Variants in ADCY2 observed in about 807,000 individuals in gnomAD.
ADCY2 encodes the protein adenylate cyclase type 2.
A neutral mutation model predicts 125.2 loss-of-function variants in ADCY2; 31 were observed. That is an observed-to-expected ratio of 0.25 (90% CI 0.19 to 0.33). ADCY2 has a LOEUF of 0.33. Among genes scored for constraint, ADCY2 ranks in the 10% least tolerant of loss-of-function variants. The pLI is 1.00. For synonymous variants in ADCY2, 512 were observed against 548.4 expected (o/e 0.93, Z 0.93); for missense variants, 904 against 1,418.2 (o/e 0.64, Z 5.82).
chr5:7,489,784 C>T (rs75790476), intron 2 of ADCY2, among the ~76,000 whole-genome samples: 2,488 of 152,256 alleles, frequency 0.016, 70 homozygotes, highest in African/African-American at 0.056. Flanking sequence ...ATGCAGTGCC[C>T]TCTGCACTTG....
intron 15 of ADCY2, among the ~76,000 whole-genome samples, chr5:7,752,950 G>A (rs1309798004): frequency 7.2e-6 from 1 of 139,336 alleles, no homozygotes; most frequent in Non-Finnish European, 1.5e-5. Context: ...TCAGGCTGGA[G>A]TACAGTAGTG....
intron 22 of ADCY2, among the ~76,000 whole-genome samples, chr5:7,812,556 GATGCAGGCTGA>G (rs1470743364): frequency 2.0e-5 from 3 of 152,172 alleles, no homozygotes; most frequent in Non-Finnish European, 4.4e-5. Flanking sequence ...AAGACCCAGG[GATGCAGGCTGA>G]ATGCATTGCT....
intron 3 of ADCY2, among the ~76,000 whole-genome samples, chr5:7,584,592 C>T (rs1399383615): frequency 6.6e-6 from 1 of 152,036 alleles, no homozygotes; most frequent in Non-Finnish European, 1.5e-5. Context: ...ATCTGAAATG[C>T]CATGACGAAC....
chr5:7,797,281 A>G (rs1382574905), intron 20 of ADCY2: 1 of 152,188 alleles, frequency 6.6e-6, no homozygotes, highest in African/African-American at 2.4e-5. Flanking sequence ...GGAAACGTGG[A>G]CGATCCAAAG....
At chr5:7,677,928 C>A (rs1389460266) in intron 4 of ADCY2, among the ~76,000 whole-genome samples, 1 of 152,170 alleles carries the variant, frequency 6.6e-6, no homozygotes, top group African/African-American at 2.4e-5. Flanking sequence ...CCTTAGAAAT[C>A]TCTGCATAAG....
chr5:7,546,609 C>G (rs550231394), intron 3 of ADCY2, among the ~76,000 whole-genome samples: 2 of 152,330 alleles, frequency 1.3e-5, no homozygotes, highest in African/African-American at 4.8e-5. Flanking sequence ...CCAGAATATA[C>G]CATGAGGCTC....
At chr5:7,655,378 T>G (rs1342112071) in intron 4 of ADCY2, among the ~76,000 whole-genome samples, 2 of 152,164 alleles carry the variant, frequency 1.3e-5, no homozygotes, top group African/African-American at 4.8e-5. Flanking sequence ...AAGACCTGCC[T>G]TCTGCAAGCT....
In ADCY2 at chr5:7,626,184, C is replaced by G; in HGVS notation, c.588C>G (p.Ile196Met). The G allele has an allele frequency of 1.2e-6, 2 of 1,613,830 alleles. No individual in the cohort carries two copies. The highest frequency in any genetic ancestry group is 1.3e-5 in the African/African-American group (1 of 75,022). The stretch of plus-strand genomic sequence containing the variant: ...CTCTTTAGATCCTGGCCAATGTGAT[C>G]ATTTTCATCTGTGGGAACCTGGCGG... ...HLVWQILANV[I>M]IFICGNLAGA... Residue 196 changes from isoleucine (I) to methionine (M), a missense_variant, in exon 4 of 25, where the codon ATC becomes ATG. Around this residue, in one of 7 missense-constraint regions of ADCY2, gnomAD observed 121 missense variants for 161.5 expected, o/e 0.75. Transcript: ENST00000338316.
intron 18 of ADCY2, among the ~76,000 whole-genome samples, chr5:7,783,561 A>G (rs188975562): frequency 2.0e-4 from 31 of 152,224 alleles, no homozygotes; most frequent in African/African-American, 7.0e-4. Context: ...GACGACACAC[A>G]AGCAGAAAGT....
intron 3 of ADCY2, among the ~76,000 whole-genome samples, chr5:7,607,561 C>G (rs1278880523): frequency 6.6e-6 from 1 of 152,244 alleles, no homozygotes; most frequent in Non-Finnish European, 1.5e-5. Flanking sequence ...ACGAGTAAAG[C>G]ACCTTGGTGG....
At chr5:7,703,214 G>T (rs2126342369) in intron 7 of ADCY2, among the ~76,000 whole-genome samples, 1 of 152,274 alleles carries the variant, frequency 6.6e-6, no homozygotes, top group Admixed American at 6.5e-5. Context: ...CTTTTGCTGT[G>T]CAGAAGCTCT....
Position 7,727,259 on chromosome 5 carries a change from A to C in ADCY2, c.1869A>C (p.Pro623=), listed in dbSNP as rs747997305. 6.8e-6 allele frequency: 11 copies of C among 1,613,518 alleles called. No individual in the cohort carries two copies. The highest frequency in any genetic ancestry group is 9.3e-6 in the Non-Finnish European group (11 of 1,179,524). Residue 623 remains proline (P), a splice_region_variant and synonymous_variant, in exon 14 of 25, where the codon CCA becomes CCC. Coordinates refer to ENST00000338316, the MANE Select transcript of ADCY2 (RefSeq NM_020546.3). ...TCATTGTGCAGATTCTCGTGCTGCC[A>C]AAGTAAGTACTTCTGGTTTCCACTG... ...CIFIVQILVL[P]KTSVLGISFG... is the part of the protein sequence containing the mutation.
At chr5:7,756,691 G>T (rs1743002858) in intron 15 of ADCY2, among the ~76,000 whole-genome samples, 1 of 152,110 alleles carries the variant, frequency 6.6e-6, no homozygotes, top group Non-Finnish European at 1.5e-5. Flanking sequence ...GGAGGAACGG[G>T]GAGTTGTTTT....
intron 16 of ADCY2, among the ~76,000 whole-genome samples, chr5:7,764,636 G>A (rs1411577946): frequency 6.6e-6 from 1 of 152,186 alleles, no homozygotes; most frequent in African/African-American, 2.4e-5. Context: ...GTGTTCATTA[G>A]CATTTTATTT....
intron 3 of ADCY2, among the ~76,000 whole-genome samples, chr5:7,579,702 C>A (rs1322514073): frequency 1.3e-5 from 2 of 152,068 alleles, no homozygotes; most frequent in African/African-American, 4.8e-5. Context: ...GCTTAGTCTA[C>A]AATTCAAAAT....
intron 2 of ADCY2, among the ~76,000 whole-genome samples, chr5:7,427,433 G>A (rs150144258): frequency 6.6e-5 from 10 of 152,298 alleles, no homozygotes; most frequent in Non-Finnish European, 1.3e-4. Flanking sequence ...TTCTTCACAA[G>A]ACAGCAGCAG....
At chr5:7,771,786 CTT>C (rs1459624068) in intron 17 of ADCY2, among the ~76,000 whole-genome samples, 1 of 152,176 alleles carries the variant, frequency 6.6e-6, no homozygotes, top group Non-Finnish European at 1.5e-5. Context: ...TCTTACCAGG[CTT>C]ACTCAACATG....
At chr5:7,754,738 A>AC (rs369031972) in intron 15 of ADCY2, among the ~76,000 whole-genome samples, 16 of 150,024 alleles carry the variant, frequency 1.1e-4, no homozygotes, top group Admixed American at 1.3e-4. Flanking sequence ...AACAAAAAAA[A>AC]CTCAGCTACT....
intron 3 of ADCY2, among the ~76,000 whole-genome samples, chr5:7,531,885 C>A (rs1309541026): frequency 6.6e-6 from 1 of 152,190 alleles, no homozygotes; most frequent in African/African-American, 2.4e-5. Context: ...CAACCCAACA[C>A]GGATACTAAC....
Sources: gnomAD v4.1 joint callset for allele counts (sites outside exome capture counted in the v4.1 genomes callset) on GRCh38, gnomAD v4.1.1 for gene constraint, gnomAD v4.1.1 regional missense constraint, MANE v1.5 for transcripts, NCBI Gene and HGNC (gene_info 2026-07-23, HGNC 2026-07-21) for gene names.